The following COL10A1 variants were observed in gnomAD, a reference collection of about 807,000 sequenced individuals.
The protein encoded by COL10A1 is collagen alpha-1(X) chain.
COL10A1 carries 10 observed loss-of-function variants against 18.2 expected under a neutral mutation model. The ratio of observed to expected loss-of-function variants is 0.55; its 90% CI spans 0.34 to 0.93. The LOEUF (loss-of-function observed/expected upper bound fraction) is 0.93, where lower values mean the gene tolerates loss of function less well. Ranked by LOEUF, COL10A1 falls within the 40% of genes least tolerant of loss-of-function variation. The probability of loss-of-function intolerance (pLI) is 0.02; values close to 1 mark genes in which losing one functional copy is unlikely to be tolerated. For missense variants in COL10A1, 897 were observed against 853.5 expected (o/e 1.05, Z -0.64); for synonymous variants, 330 against 316.6 (o/e 1.04, Z -0.45).
chr6:116,214,718 C>A, the COL10A1 span, among the ~76,000 whole-genome samples: 1 of 151,930 alleles, frequency 6.6e-6, no homozygotes, highest in Non-Finnish European at 1.5e-5. Flanking sequence ...ATTCAAAATG[C>A]AAAGACATTT....
chr6:116,149,786 G>A (rs929035162), intron 1 of COL10A1, among the ~76,000 whole-genome samples: 1 of 152,194 alleles, frequency 6.6e-6, no homozygotes, highest in Non-Finnish European at 1.5e-5. Flanking sequence ...AAATCAGACA[G>A]CTTGAAGATT....
upstream of COL10A1, among the ~76,000 whole-genome samples, chr6:116,161,559 G>A (rs1168974070): frequency 1.3e-5 from 2 of 152,014 alleles, no homozygotes; most frequent in Non-Finnish European, 2.9e-5. Context: ...TTTATTTCTG[G>A]GTTCTCTATT....
the COL10A1 span, among the ~76,000 whole-genome samples, chr6:116,188,187 T>G: frequency 6.6e-6 from 1 of 152,056 alleles, no homozygotes; most frequent in Non-Finnish European, 1.5e-5. Context: ...AAGAATCTAG[T>G]GATTTCAGTG....
the COL10A1 span, among the ~76,000 whole-genome samples, chr6:116,191,255 C>T: frequency 7.5e-3 from 1,143 of 152,010 alleles, 8 homozygotes; most frequent in Non-Finnish European, 0.011. Flanking sequence ...TACCTCTGAC[C>T]CAAACTCCAA....
chr6:116,198,075 A>G, the COL10A1 span, among the ~76,000 whole-genome samples: 4 of 152,016 alleles, frequency 2.6e-5, no homozygotes, highest in Admixed American at 6.6e-5. Flanking sequence ...AAATCTTCCA[A>G]GAGAGATCCT....
At chr6:116,178,889 CT>C in the COL10A1 span, among the ~76,000 whole-genome samples, 1 of 152,144 alleles carries the variant, frequency 6.6e-6, no homozygotes. Flanking sequence ...AGCAAAATTT[CT>C]TTTACTCGAT....
At chr6:116,212,303 T>G in the COL10A1 span, among the ~76,000 whole-genome samples, 1 of 152,036 alleles carries the variant, frequency 6.6e-6, no homozygotes, top group Non-Finnish European at 1.5e-5. Flanking sequence ...AAAAGTATAG[T>G]GAAAAACAGA....
At chr6:116,211,206 A>T in the COL10A1 span, among the ~76,000 whole-genome samples, 1 of 152,058 alleles carries the variant, frequency 6.6e-6, no homozygotes, top group Non-Finnish European at 1.5e-5. Flanking sequence ...TCACCGTTCC[A>T]GCCAGCCCAG....
rs1779056746 is a variant in COL10A1, at chr6:116,119,912, A to C, written c.*161T>G. On this transcript the variant is annotated 3_prime_UTR_variant, in exon 3 of 3. Coordinates refer to ENST00000651968, the MANE Select transcript of COL10A1 (RefSeq NM_000493.4). ...CACATACGTTTTTACGTTGCTGCTC[A>C]CTTTTCAGGGGGAAGGTTTGTTGGT... 1 of 696,634 alleles carries C rather than the reference A, an allele frequency of 1.4e-6. No individual in the cohort carries two copies. The highest frequency in any genetic ancestry group is 2.5e-6 in the Non-Finnish European group (1 of 405,910). The allele number at this position is 696,634 out of a possible 1,614,324, so 43.2% of individuals were successfully genotyped here.
chr6:116,146,963 G>C (rs751323861), intron 1 of COL10A1, among the ~76,000 whole-genome samples: 1 of 146,616 alleles, frequency 6.8e-6, no homozygotes, highest in Non-Finnish European at 1.5e-5. Flanking sequence ...AGTAGAAAAG[G>C]TAGGGGAATA....
Position 116,121,834 on chromosome 6 carries a change from T to G in COL10A1, c.282A>C (p.Pro94=). 1.2e-6 allele frequency: 2 copies of G among 1,613,950 alleles called. No homozygotes were observed. The highest frequency in any genetic ancestry group is 1.7e-6 in the Non-Finnish European group (2 of 1,179,944). ...ATGGTCCCGGTGGTCCTGGCAACCCTGGCTCTCCTTGGAGTCCAGGACTTC... is the reference window on the plus strand; with the variant it reads ...ATGGTCCCGGTGGTCCTGGCAACCCGGGCTCTCCTTGGAGTCCAGGACTTC... ...GYGSPGLQGE[P]GLPGPPGPSA... is the part of the protein sequence containing the mutation. The change falls in exon 3 of 3, where the codon CCA becomes CCC. Residue 94 remains proline, a synonymous_variant. Coordinates refer to ENST00000651968, the MANE Select transcript of COL10A1 (RefSeq NM_000493.4).
Position 116,121,548 on chromosome 6 carries a change from C to A in COL10A1, c.568G>T (p.Glu190Ter). 1.2e-6 allele frequency: 2 copies of A among 1,614,020 alleles called. No individual in the cohort carries two copies. Among genetic ancestry groups the A allele is most frequent in the East Asian group, 2.2e-5 (1 of 44,862 alleles). ...CGACCAGGAGCACCATATCCCATTT[C>A]CCCTTTCTGTCCATTCATACCAGGG... is the stretch of plus-strand genomic sequence containing the variant. ...GVPGMNGQKG[E>*]MGYGAPGRPG... The change falls in exon 3 of 3, where the codon GAA becomes TAA. Residue 190 changes from glutamate to a stop codon, truncating the protein, a stop_gained. Transcript: ENST00000651968. LOFTEE classifies it low-confidence loss of function (END_TRUNC).
At chr6:116,200,248 C>T in the COL10A1 span, among the ~76,000 whole-genome samples, 2 of 151,796 alleles carry the variant, frequency 1.3e-5, no homozygotes, top group African/African-American at 4.8e-5. Context: ...TCAAAGTTAC[C>T]AAAAACAGGG....
chr6:116,157,346 A>G (rs1780222834), intron 1 of COL10A1, among the ~76,000 whole-genome samples: 1 of 152,180 alleles, frequency 6.6e-6, no homozygotes. Flanking sequence ...CTAGACAAGT[A>G]ACTGTATGGA....
rs1158977057 is a variant in COL10A1, at chr6:116,121,412, C to T, written c.704G>A (p.Gly235Asp). Residue 235 changes from glycine (G) to aspartate (D), a missense_variant, in exon 3 of 3, where the codon GGT becomes GAT. Transcript: ENST00000651968. Reference protein sequence around the residue: ...NGVPGQPGIKGDRGFPGEMGP... With the variant: ...NGVPGQPGIKDDRGFPGEMGP... Reference sequence around the variant, plus strand: ...CATTTCTCCCGGAAAACCTCTATCACCTTTGATGCCTGGCTGTCCTGGAAC... The same window carrying T: ...CATTTCTCCCGGAAAACCTCTATCATCTTTGATGCCTGGCTGTCCTGGAAC... 1 of 1,614,046 alleles carries T rather than the reference C, an allele frequency of 6.2e-7. No individual in the cohort carries two copies. The highest frequency in any genetic ancestry group is 8.5e-7 in the Non-Finnish European group (1 of 1,180,022).
the COL10A1 span, among the ~76,000 whole-genome samples, chr6:116,179,200 ATATAG>A: frequency 6.6e-6 from 1 of 152,168 alleles, no homozygotes; most frequent in Non-Finnish European, 1.5e-5. Context: ...ATTAAATAAC[ATATAG>A]TAGATATTCT....
At chr6:116,184,945 T>C in the COL10A1 span, among the ~76,000 whole-genome samples, 1 of 152,076 alleles carries the variant, frequency 6.6e-6, no homozygotes, top group African/African-American at 2.4e-5. Context: ...CTTATTTCTC[T>C]AGCTCCTTGA....
upstream of COL10A1, among the ~76,000 whole-genome samples, chr6:116,130,895 G>C (rs565287810): frequency 6.6e-6 from 1 of 151,790 alleles, no homozygotes; most frequent in East Asian, 1.9e-4. Context: ...AATATAAGCC[G>C]TTTGATTATG....
At chr6:116,166,938 G>A in the COL10A1 span, among the ~76,000 whole-genome samples, 345 of 152,166 alleles carry the variant, frequency 2.3e-3, 2 homozygotes, top group African/African-American at 8.2e-3. Flanking sequence ...GAAGTATCTT[G>A]CCTTCCTTTC....
Sources: allele counts gnomAD v4.1 joint callset (sites outside exome capture counted in the v4.1 genomes callset), GRCh38; gene constraint gnomAD v4.1.1; transcripts MANE v1.5; gene names NCBI Gene and HGNC (gene_info 2026-07-23, HGNC 2026-07-21).